Variants in TMTC1 observed in about 807,000 individuals in gnomAD.
TMTC1 encodes the protein protein O-mannosyl-transferase TMTC1.
Under a neutral mutation model 104.8 loss-of-function variants are expected in TMTC1, and 73 were observed. The ratio of observed to expected loss-of-function variants is 0.70; its 90% confidence interval spans 0.58 to 0.85. TMTC1 has a LOEUF of 0.85. Among genes scored for constraint, TMTC1 ranks in the 40% least tolerant of loss-of-function variants. TMTC1 has a pLI of 0.00. For missense variants in TMTC1, 1,035 were observed against 1,096.1 expected, an observed-to-expected ratio of 0.94 and a Z score of 0.79; for synonymous variants, 434 against 428.7, an observed-to-expected ratio of 1.01 and a Z score of -0.15.
intron 5 of TMTC1, among the ~76,000 whole-genome samples, chr12:29,672,815 T>C (rs1299548082): frequency 6.6e-6 from 1 of 152,170 alleles, no homozygotes; most frequent in Non-Finnish European, 1.5e-5. Context: ...ATCACTTGGC[T>C]GCACTGCAGA....
At chr12:29,743,351 C>A (rs1262083363) in intron 5 of TMTC1, among the ~76,000 whole-genome samples, 1 of 152,106 alleles carries the variant, frequency 6.6e-6, no homozygotes, top group African/African-American at 2.4e-5. Flanking sequence ...GGCATGGTTC[C>A]TGGCCATTGG....
At chr12:29,607,510 A>C (rs748950898) in intron 6 of TMTC1, among the ~76,000 whole-genome samples, 1 of 152,196 alleles carries the variant, frequency 6.6e-6, no homozygotes, top group African/African-American at 2.4e-5. Context: ...GGGTGGTCAC[A>C]GCTAGGCACA....
intron 5 of TMTC1, among the ~76,000 whole-genome samples, chr12:29,681,099 C>CAAAAAAAAAAAAAAAAAA (rs71045827): frequency 9.3e-6 from 1 of 107,222 alleles, no homozygotes; most frequent in African/African-American, 3.8e-5. Flanking sequence ...ACCCTGTCTC[C>CAAAAAAAAAAAAAAAAAA]AAAAAAAAAA....
chr12:29,692,100 C>A lies in TMTC1; in HGVS notation c.939-58764G>T, dbSNP rs544887947. On this transcript the variant is annotated intron_variant, in intron 5 of 17. Transcript: ENST00000539277. The stretch of plus-strand genomic sequence containing the variant: ...TCAACAAAGAATGTTCAAATTATTA[C>A]CAATGTTTTCAGTGTGCTTGTGTCT... 1.0e-4 allele frequency among the ~76,000 whole-genome samples: 15 copies of A among 145,566 alleles called. 5 individuals are homozygous for A. Among genetic ancestry groups the A allele is most frequent in the African/African-American group, 3.8e-4 (15 of 39,886 alleles).
chr12:29,712,250 T>C (rs1941951209), intron 5 of TMTC1, among the ~76,000 whole-genome samples: 1 of 152,172 alleles, frequency 6.6e-6, no homozygotes, highest in African/African-American at 2.4e-5. Context: ...AACCACTTTT[T>C]ATGTAAAACA....
chr12:29,647,342 C>T (rs1205706321), intron 5 of TMTC1, among the ~76,000 whole-genome samples: 1 of 152,114 alleles, frequency 6.6e-6, no homozygotes, highest in Admixed American at 6.6e-5. Context: ...TTTTAAGAGC[C>T]CCTATAAACA....
chr12:29,734,558 T>C (rs983059587), intron 5 of TMTC1, among the ~76,000 whole-genome samples: 4 of 152,202 alleles, frequency 2.6e-5, no homozygotes, highest in Non-Finnish European at 4.4e-5. Context: ...AAACGGAGGA[T>C]GCCTATATAT....
rs563691452 is a variant in TMTC1, at chr12:29,616,795, T to G, written c.1129-12496A>C. On this transcript the variant is annotated intron_variant, in intron 6 of 17. Coordinates refer to ENST00000539277, the MANE Select transcript of TMTC1 (RefSeq NM_001193451.2). ...AGAGAACTTTGTTAAGCCATCTATC[T>G]GCATAGTGGTGGCTCCAGCTGAGAT... Among the ~76,000 whole-genome samples the G allele has an allele frequency of 5.9e-5, 9 of 152,202 alleles. No homozygotes were observed. In the South Asian group the frequency reaches 1.7e-3, roughly 28 times the overall value.
At chr12:29,582,629 C>T (rs576729027) in intron 8 of TMTC1, among the ~76,000 whole-genome samples, 1 of 152,276 alleles carries the variant, frequency 6.6e-6, no homozygotes, top group East Asian at 1.9e-4. Context: ...GTATGCCTTC[C>T]TAGCCTCTTC....
At position 29,514,549 on chromosome 12, in the gene TMTC1, A is replaced by G. The variant is rs771801935; in HGVS notation, c.2363T>C (p.Ile788Thr). ...LQLKPKDPKV[I>T]SELFFTKGNQ... Reference sequence around the variant, plus strand: ...TCCTTTTGTGAAAAAAAGTTCAGAAATGACTTTTGGGTCCTTTGGTTTCAG... The same window carrying G: ...TCCTTTTGTGAAAAAAAGTTCAGAAGTGACTTTTGGGTCCTTTGGTTTCAG... Residue 788 changes from isoleucine to threonine, a missense_variant, in exon 16 of 18, where the codon ATT (isoleucine) becomes ACT (threonine). Physicochemically the swap from Ile to Thr is moderately conservative, Grantham distance 89 (BLOSUM62 -1). Transcript: ENST00000539277. The G allele has an allele frequency of 1.2e-6, 2 of 1,614,120 alleles. No homozygotes were observed. Among genetic ancestry groups the G allele is most frequent in the Non-Finnish European group, 1.7e-6 (2 of 1,179,980 alleles).
chr12:29,549,383 G>C (rs976610065), intron 10 of TMTC1, among the ~76,000 whole-genome samples: 1 of 152,100 alleles, frequency 6.6e-6, no homozygotes, highest in African/African-American at 2.4e-5. Context: ...CTCAGGGGAG[G>C]TGGAAACTTA....
At chr12:29,605,429 TG>T (rs2136406395) in intron 6 of TMTC1, among the ~76,000 whole-genome samples, 1 of 152,090 alleles carries the variant, frequency 6.6e-6, no homozygotes, top group South Asian at 2.1e-4. Flanking sequence ...CCATATGATT[TG>T]GACAGTTGCC....
intron 10 of TMTC1, among the ~76,000 whole-genome samples, chr12:29,552,608 T>C (rs1565665735): frequency 6.6e-6 from 1 of 152,188 alleles, no homozygotes; most frequent in Non-Finnish European, 1.5e-5. Flanking sequence ...TTCTATTTCC[T>C]TACTAAAGGA....
intron 17 of TMTC1, among the ~76,000 whole-genome samples, chr12:29,509,758 A>ACAGGATAAACTAATTTTTACT (rs1943783523): frequency 6.6e-6 from 1 of 152,232 alleles, no homozygotes; most frequent in African/African-American, 2.4e-5. Context: ...AAGACAAAAA[A>ACAGGATAAACTAATTTTTACT]CAGGATAAAC....
intron 5 of TMTC1, among the ~76,000 whole-genome samples, chr12:29,665,941 GC>G (rs34212415): frequency 0.022 from 3,319 of 151,826 alleles, 75 homozygotes; most frequent in Admixed American, 0.052. Flanking sequence ...ATCCACTGAT[GC>G]CCCCCCAACC....
At chr12:29,651,441 T>C (rs1220081440) in intron 5 of TMTC1, among the ~76,000 whole-genome samples, 1 of 152,220 alleles carries the variant, frequency 6.6e-6, no homozygotes, top group East Asian at 1.9e-4. Flanking sequence ...AACATGGAGT[T>C]CATTATACTG....
At chr12:29,636,605 G>A (rs141054720) in intron 5 of TMTC1, among the ~76,000 whole-genome samples, 5 of 151,938 alleles carry the variant, frequency 3.3e-5, no homozygotes, top group Non-Finnish European at 7.4e-5. Context: ...GGATCACAAG[G>A]TCAAGAGATC....
At chr12:29,553,489 T>C (rs1243203755) in intron 10 of TMTC1, among the ~76,000 whole-genome samples, 1 of 152,188 alleles carries the variant, frequency 6.6e-6, no homozygotes, top group Non-Finnish European at 1.5e-5. Flanking sequence ...TAAACAAGGA[T>C]AACTTGTTTG....
At chr12:29,508,218 A>G (rs971321062) in intron 17 of TMTC1, among the ~76,000 whole-genome samples, 4 of 152,242 alleles carry the variant, frequency 2.6e-5, no homozygotes, top group African/African-American at 9.6e-5. Flanking sequence ...GGCATGTACA[A>G]CAAAAGGAAG....
Sources: gnomAD v4.1 joint callset for allele counts (sites outside exome capture counted in the v4.1 genomes callset) on GRCh38, gnomAD v4.1.1 for gene constraint, MANE v1.5 for transcripts, NCBI Gene and HGNC (gene_info 2026-07-23, HGNC 2026-07-21) for gene names.